BAP1: variants seen among roughly 807,000 people sequenced by gnomAD.
The protein encoded by BAP1 is BRCA1 associated deubiquitinase 1.
BAP1 carries 16 observed loss-of-function variants against 77.2 expected under a neutral mutation model. The observed-to-expected ratio is 0.21, with a 90% confidence interval of 0.14 to 0.31. BAP1 has a LOEUF of 0.31. Ranked by LOEUF, BAP1 falls within the 10% of genes least tolerant of loss-of-function variation. The pLI, the probability that BAP1 is intolerant of heterozygous loss-of-function variation, is 1.00. For synonymous variants in BAP1, 362 were observed against 385.2 expected, an observed-to-expected ratio of 0.94 and a Z score of 0.71; for missense variants, 699 against 967.3, an observed-to-expected ratio of 0.72 and a Z score of 3.68.
intron 4 of BAP1, 105 bp from the exon 5 acceptor site, chr3:52,408,182 C>A: frequency 6.6e-7 from 1 of 1,514,802 alleles, no homozygotes; most frequent in Non-Finnish European, 9.0e-7. Flanking sequence ...CATATCTGGA[C>A]AACTCCCCTT....
In BAP1 at chr3:52,402,064, G is replaced by A; in HGVS notation, c.*224C>T. The A allele has an allele frequency of 2.7e-6, 2 of 745,074 alleles. No individual in the cohort carries two copies. Among genetic ancestry groups the A allele is most frequent in the South Asian group, 3.8e-5 (2 of 53,168 alleles). 46.2% of individuals were successfully genotyped at this position (745,074 alleles called of 1,614,324 possible). A position where few individuals can be genotyped will look rare whatever the true frequency, so the allele number is the denominator to read the frequency against. On this transcript the variant is annotated 3_prime_UTR_variant, in exon 17 of 17. Transcript: ENST00000460680. This position sits in a 1 kb window ranked among gnomAD's most constrained non-coding sequence, Gnocchi z 5.3. ...GGAGGAAGCTGCAGTACCTCGCTGTGCCCCAACTCCAGATGCTGCCTCCTG... is the reference window on the plus strand; with the variant it reads ...GGAGGAAGCTGCAGTACCTCGCTGTACCCCAACTCCAGATGCTGCCTCCTG...
At position 52,410,005 on chromosome 3, in the gene BAP1, A is replaced by G; in HGVS notation, c.-127T>C. 1 of 1,387,402 alleles carries G rather than the reference A, an allele frequency of 7.2e-7. No homozygotes were observed. 85.9% of individuals were successfully genotyped at this position (1,387,402 alleles called of 1,614,324 possible). ...CACAGACAACGGGCCCAGTCGCGTC[A>G]CCCGCCCGCGCCGGCGGCAGACGTC... On this transcript the variant is annotated 5_prime_UTR_variant, in exon 1 of 17. Coordinates refer to ENST00000460680, the MANE Select transcript of BAP1 (RefSeq NM_004656.4).
chr3:52,408,707 G>A, intron 3 of BAP1, 101 bp from the exon 4 acceptor site: 1 of 1,413,798 alleles, frequency 7.1e-7, no homozygotes, highest in Non-Finnish European at 9.6e-7. Flanking sequence ...TCATCACTCA[G>A]GTGTCCTTGC....
Position 52,403,210 on chromosome 3 carries a change from G to A in BAP1, c.1818C>T (p.Ala606=), listed in dbSNP as rs1553644724. Residue 606 remains alanine (A), a synonymous_variant, in exon 14 of 17, where the codon GCC becomes GCT. Coordinates refer to ENST00000460680, the MANE Select transcript of BAP1 (RefSeq NM_004656.4). This position sits in a 1 kb window ranked among gnomAD's most constrained non-coding sequence, Gnocchi z 4.0. The part of the protein sequence containing the change: ...SSPVEKEVVE[A]TDSREKTGMV... ...TCCCCGTCTTCTCTCTGCTGTCCGT[G>A]GCTTCCACGACCTCCTTCTCCACTG... 3 of 1,614,152 alleles carry A rather than the reference G, an allele frequency of 1.9e-6. No individual in the cohort carries two copies. Among genetic ancestry groups the A allele is most frequent in the Non-Finnish European group, 2.5e-6 (3 of 1,180,042 alleles).
At chr3:52,407,833 T>A (rs750755575) in intron 5 of BAP1, 125 bp downstream of exon 5, 19 of 1,458,616 alleles carry the variant, frequency 1.3e-5, no homozygotes, top group Non-Finnish European at 1.8e-5. Context: ...AAATGTAACA[T>A]AAACAATCAT....
At position 52,401,040 on chromosome 3, in the gene BAP1, A is replaced by G; in HGVS notation, c.*1248T>C. ...GGAGATTCTTAGGAGAGTTTTATTC[A>G]TTCATTGATCCAGTATTTACAGGGG... is the stretch of plus-strand genomic sequence containing the variant. On this transcript the variant is annotated 3_prime_UTR_variant, in exon 17 of 17. Coordinates refer to ENST00000460680, the MANE Select transcript of BAP1 (RefSeq NM_004656.4). 1 of 230,124 alleles carries G rather than the reference A, an allele frequency of 4.3e-6. No homozygotes were observed. The highest frequency in any genetic ancestry group is 8.6e-6 in the Non-Finnish European group (1 of 116,066). 14.3% of individuals were successfully genotyped at this position (230,124 alleles called of 1,614,324 possible). A position where few individuals can be genotyped will look rare whatever the true frequency, so the allele number is the denominator to read the frequency against.
chr3:52,409,833 C>G lies in BAP1; in HGVS notation c.37+9G>C. 1 of 1,612,446 alleles carries G rather than the reference C, an allele frequency of 6.2e-7. No individual in the cohort carries two copies. Among genetic ancestry groups the G allele is most frequent in the Non-Finnish European group, 8.5e-7 (1 of 1,179,926 alleles). On this transcript the variant is annotated intron_variant, in intron 1 of 16. Coordinates refer to ENST00000460680, the MANE Select transcript of BAP1 (RefSeq NM_004656.4). ...CCCCAGCCCCTGGCCCTCCCGGTCC[C>G]CTCCTCACCTGGGTCGCTCTCCAGC...
At position 52,403,067 on chromosome 3, in the gene BAP1, C is replaced by T. The variant is rs2153226396; in HGVS notation, c.1890+71G>A. ...ACCAAAGTTCCAATCAAGAACTTGGCACCTGGGCAGGAGGAGCTCAGGCCT... is the reference window on the plus strand; with the variant it reads ...ACCAAAGTTCCAATCAAGAACTTGGTACCTGGGCAGGAGGAGCTCAGGCCT... On this transcript the variant is annotated intron_variant, in intron 14 of 16. Transcript: ENST00000460680. The surrounding 1 kb of genome is among the most constrained non-coding windows in gnomAD (Gnocchi z 4.0). 1 of 1,602,278 alleles carries T rather than the reference C, an allele frequency of 6.2e-7. No individual in the cohort carries two copies. Among genetic ancestry groups the T allele is most frequent in the South Asian group, 1.1e-5 (1 of 90,846 alleles).
Position 52,403,590 on chromosome 3 carries a change from G to A in BAP1, c.1555C>T (p.Pro519Ser), listed in dbSNP as rs759622893. ...ATGTGGGAGGTGACAGGGCTGGAGG[G>A]CCGCGTCGGGTTGGCTGAGCGGATA... ...SPIRSANPTR[P>S]SSPVTSHISK... Residue 519 changes from proline to serine, a missense_variant, in exon 13 of 17, where the codon CCC becomes TCC. Pro to Ser is a moderately conservative substitution (Grantham distance 74). Transcript: ENST00000460680. This position sits in a 1 kb window ranked among gnomAD's most constrained non-coding sequence, Gnocchi z 4.0. 5 of 1,614,076 alleles carry A rather than the reference G, an allele frequency of 3.1e-6. No homozygotes were observed. In the Admixed American group the frequency reaches 6.7e-5, roughly 22 times the overall value.
At position 52,403,980 on chromosome 3, in the gene BAP1, A is replaced by C. The variant is rs899485448; in HGVS notation, c.1251-86T>G. 2.2e-6 allele frequency: 3 copies of C among 1,392,120 alleles called. No homozygotes were observed. The highest frequency in any genetic ancestry group is 3.0e-6 in the Non-Finnish European group (3 of 991,392). The allele number at this position is 1,392,120 out of a possible 1,614,324, so 86.2% of individuals were successfully genotyped here. A position where few individuals can be genotyped will look rare whatever the true frequency, so the allele number is the denominator to read the frequency against. ...CCCAGAATGGCTTAAATACATCCCG[A>C]CCTCCAGGGGCTGACCCTAAAACTC... On this transcript the variant is annotated intron_variant, in intron 12 of 16. Coordinates refer to ENST00000460680, the MANE Select transcript of BAP1 (RefSeq NM_004656.4). The surrounding 1 kb of genome is among the most constrained non-coding windows in gnomAD (Gnocchi z 4.0).
chr3:52,401,861 A>C lies in BAP1; in HGVS notation c.*427T>G. 1 of 308,906 alleles carries C rather than the reference A, an allele frequency of 3.2e-6. No homozygotes were observed. The highest frequency in any genetic ancestry group is 6.1e-6 in the Non-Finnish European group (1 of 162,842). 19.1% of individuals were successfully genotyped at this position (308,906 alleles called of 1,614,324 possible). Reference sequence around the variant, plus strand: ...TGTAGTTGGGACCGTGGCATGATACAAGGACCTGGGCCCACCAGGACAGCT... The same window carrying C: ...TGTAGTTGGGACCGTGGCATGATACCAGGACCTGGGCCCACCAGGACAGCT... On this transcript the variant is annotated 3_prime_UTR_variant, in exon 17 of 17. Coordinates refer to ENST00000460680, the MANE Select transcript of BAP1 (RefSeq NM_004656.4).
At chr3:52,407,580 G>A (rs1048840367) in intron 5 of BAP1, 120 bp from the exon 6 acceptor site, 24 of 1,395,352 alleles carry the variant, frequency 1.7e-5, no homozygotes, top group South Asian at 9.5e-5. Context: ...GAACACAGAC[G>A]AACTTTCTTA....
At position 52,405,029 on chromosome 3, in the gene BAP1, A is replaced by G. The variant is rs869312491; in HGVS notation, c.1116+81T>C. On this transcript the variant is annotated intron_variant, in intron 11 of 16. Transcript: ENST00000460680. ...CCAGCCATGCCAAGGATGAACACCA[A>G]GGAACCACATGGGAAAATTGCCTGT... is the stretch of plus-strand genomic sequence containing the variant. The G allele has an allele frequency of 1.1e-5, 17 of 1,582,824 alleles. No individual in the cohort carries two copies. Among genetic ancestry groups the G allele is most frequent in the Non-Finnish European group, 1.5e-5 (17 of 1,153,724 alleles).
rs780400454 is a variant in BAP1, at chr3:52,404,577, C to A, written c.1126G>T (p.Asp376Tyr). Residue 376 changes from aspartate to tyrosine, a missense_variant, in exon 12 of 17, where the codon GAC (aspartate) becomes TAC (tyrosine). Physicochemically the swap from Asp to Tyr is radical, Grantham distance 160 (BLOSUM62 -3). This residue lies in a region of BAP1 where 475 missense variants were observed against 532.4 expected (regional missense o/e 0.89). Coordinates refer to ENST00000460680, the MANE Select transcript of BAP1 (RefSeq NM_004656.4). ...YAKSPMQEEE[D>Y]LAAGVGRSRV... ...CTGCGGCCCACACCTGCCGCCAGGT[C>A]TTCTTCCTCCTGGGACAAAGACCAG... 1 of 1,613,504 alleles carries A rather than the reference C, an allele frequency of 6.2e-7. No individual in the cohort carries two copies. Among genetic ancestry groups the A allele is most frequent in the Non-Finnish European group, 8.5e-7 (1 of 1,179,820 alleles).
At position 52,405,207 on chromosome 3, in the gene BAP1, C is replaced by T. The variant is rs2153227040; in HGVS notation, c.1019G>A (p.Gly340Asp). 1 of 1,614,076 alleles carries T rather than the reference C, an allele frequency of 6.2e-7. No individual in the cohort carries two copies. Reference protein sequence around the residue: ...NKPKLVVKPPGSSLNGVHPNP... With the variant: ...NKPKLVVKPPDSSLNGVHPNP... ...GGGGTGAACCCCATTGAGGCTGCTG[C>T]CTGGAGGCTTCACCACTAGCTTGGG... is the stretch of plus-strand genomic sequence containing the variant. The change falls in exon 11 of 17, where the codon GGC becomes GAC. Residue 340 changes from glycine (G) to aspartate (D), a missense_variant. Physicochemically the swap from Gly to Asp is moderately conservative, Grantham distance 94 (BLOSUM62 -1). This residue lies in a region of BAP1 where 475 missense variants were observed against 532.4 expected (regional missense o/e 0.89). Coordinates refer to ENST00000460680, the MANE Select transcript of BAP1 (RefSeq NM_004656.4).
chr3:52,409,989 C>G lies in BAP1; in HGVS notation c.-111G>C. On this transcript the variant is annotated 5_prime_UTR_variant, in exon 1 of 17. Transcript: ENST00000460680. ...GCCCCTCAGTCCCACACACAGACAA[C>G]GGGCCCAGTCGCGTCACCCGCCCGC... 2 of 1,466,572 alleles carry G rather than the reference C, an allele frequency of 1.4e-6. No individual in the cohort carries two copies. The highest frequency in any genetic ancestry group is 1.8e-6 in the Non-Finnish European group (2 of 1,090,190). The allele number at this position is 1,466,572 out of a possible 1,614,324, so 90.8% of individuals were successfully genotyped here. A position where few individuals can be genotyped will look rare whatever the true frequency, so the allele number is the denominator to read the frequency against.
Position 52,407,711 on chromosome 3 carries a change from G to C in BAP1, c.375+247C>G, listed in dbSNP as rs182826507. Among the ~76,000 whole-genome samples, 3 of 152,344 alleles carry C rather than the reference G, an allele frequency of 2.0e-5. No homozygotes were observed. The East Asian group carries it at 5.8e-4, about 29-fold the overall frequency. On this transcript the variant is annotated intron_variant, in intron 5 of 16. Transcript: ENST00000460680. ...GCCTGAGAGGAAAAGTCCTGACAGA[G>C]AAGGTTCTGACATGGTCTGACTTAA...
Position 52,404,550 on chromosome 3 carries a change from G to C in BAP1, c.1153C>G (p.Arg385Gly), listed in dbSNP as rs1553645164. The stretch of plus-strand genomic sequence containing the variant: ...TGCTGGGGTGGGCGGACTGGAACTC[G>C]GCTGCGGCCCACACCTGCCGCCAGG... ...EDLAAGVGRSRVPVRPPQQYS... is the reference protein window; with the variant it reads ...EDLAAGVGRSGVPVRPPQQYS... The change falls in exon 12 of 17, where the codon CGA (arginine) becomes GGA (glycine). Residue 385 changes from arginine to glycine, a missense_variant. Coordinates refer to ENST00000460680, the MANE Select transcript of BAP1 (RefSeq NM_004656.4). 6 of 1,613,820 alleles carry C rather than the reference G, an allele frequency of 3.7e-6. No individual in the cohort carries two copies. The highest frequency in any genetic ancestry group is 4.2e-6 in the Non-Finnish European group (5 of 1,179,966).
At chr3:52,409,473 T>C (rs2153228456) in intron 3 of BAP1, 81 bp downstream of exon 3, 1 of 1,568,420 alleles carries the variant, frequency 6.4e-7, no homozygotes, top group East Asian at 2.2e-5. Flanking sequence ...CCTGGCACTG[T>C]CTTCCCTAAG....
Sources: allele counts gnomAD v4.1 joint callset (sites outside exome capture counted in the v4.1 genomes callset), GRCh38; gene constraint gnomAD v4.1.1; regional missense constraint gnomAD v4.1.1; non-coding constraint Gnocchi (gnomAD v3.1); transcripts MANE v1.5; gene names NCBI Gene and HGNC (gene_info 2026-07-23, HGNC 2026-07-21).